VAV3: variants seen among roughly 807,000 people sequenced by gnomAD.
VAV3 encodes vav guanine nucleotide exchange factor 3, also known as guanine nucleotide exchange factor VAV3.
In VAV3, 94 loss-of-function variants were observed where a neutral mutation model predicts 131.2. That is an observed-to-expected ratio of 0.72 (90% CI 0.61 to 0.85). VAV3 has a LOEUF of 0.85. Among genes scored for constraint, VAV3 ranks in the 40% least tolerant of loss-of-function variants. The probability of loss-of-function intolerance (pLI) is 0.00; values close to 1 mark genes in which losing one functional copy is unlikely to be tolerated. For synonymous variants in VAV3, 349 were observed against 342.0 expected (o/e 1.02, Z -0.22); for missense variants, 939 against 1,002.7 (o/e 0.94, Z 0.86).
At chr1:107,733,974 C>T (rs541400432) in intron 15 of VAV3, among the ~76,000 whole-genome samples, 11 of 152,166 alleles carry the variant, frequency 7.2e-5, no homozygotes, top group Non-Finnish European at 1.5e-4. Context: ...GGTCAGGTTA[C>T]CCACAAAGGA....
intron 9 of VAV3, among the ~76,000 whole-genome samples, chr1:107,761,682 A>T (rs1345327850): frequency 5.9e-5 from 9 of 152,172 alleles, no homozygotes; most frequent in Non-Finnish European, 1.2e-4. Flanking sequence ...GCCTTTCGTA[A>T]CAATTACAAT....
intron 2 of VAV3, among the ~76,000 whole-genome samples, chr1:107,853,166 G>A (rs1168177382): frequency 2.0e-5 from 3 of 152,110 alleles, no homozygotes; most frequent in African/African-American, 7.2e-5. Flanking sequence ...ATTGATCTAG[G>A]AGAGCAGCAG....
intron 1 of VAV3, among the ~76,000 whole-genome samples, chr1:107,935,558 C>G (rs1414173774): frequency 6.6e-6 from 1 of 152,116 alleles, no homozygotes; most frequent in Non-Finnish European, 1.5e-5. Flanking sequence ...TAAGTTTCCC[C>G]ATCAGAATGA....
At chr1:107,802,479 G>C (rs901536687) in intron 2 of VAV3, among the ~76,000 whole-genome samples, 1 of 151,944 alleles carries the variant, frequency 6.6e-6, no homozygotes, top group Non-Finnish European at 1.5e-5. Flanking sequence ...CTATGGGTTT[G>C]TCATATATGG....
At chr1:107,717,696 GAGA>G (rs1328294705) in intron 15 of VAV3, among the ~76,000 whole-genome samples, 1 of 152,222 alleles carries the variant, frequency 6.6e-6, no homozygotes, top group African/African-American at 2.4e-5. Context: ...ATGTGGTGCT[GAGA>G]AGAAGATATA....
chr1:107,837,118 G>A (rs1113982), intron 2 of VAV3, among the ~76,000 whole-genome samples: 22,201 of 151,598 alleles, frequency 0.15, 2,186 homozygotes, highest in East Asian at 0.42. Flanking sequence ...AAAACAAAAC[G>A]AAACAAAACT....
chr1:107,804,058 TCCC>T (rs1285228206), intron 2 of VAV3, among the ~76,000 whole-genome samples: 1 of 152,062 alleles, frequency 6.6e-6, no homozygotes, highest in Non-Finnish European at 1.5e-5. Flanking sequence ...GTATAATTAT[TCCC>T]CCCATTTTTT....
At chr1:107,780,211 A>G (rs1369796127) in intron 2 of VAV3, among the ~76,000 whole-genome samples, 3 of 152,214 alleles carry the variant, frequency 2.0e-5, no homozygotes, top group African/African-American at 7.2e-5. Flanking sequence ...CAATCATTAC[A>G]TTATCGTGAG....
intron 1 of VAV3, among the ~76,000 whole-genome samples, chr1:107,964,041 C>T (rs1444872292): frequency 6.6e-6 from 1 of 152,208 alleles, no homozygotes; most frequent in East Asian, 1.9e-4. Flanking sequence ...AGAGGCTGGA[C>T]TCGCTCCTTC....
At chr1:107,886,413 G>A (rs972268530) in intron 1 of VAV3, among the ~76,000 whole-genome samples, 1 of 152,196 alleles carries the variant, frequency 6.6e-6, no homozygotes, top group South Asian at 2.1e-4. Flanking sequence ...TCGGGGAGGG[G>A]TTCTACAGCA....
At chr1:107,575,616 G>A (rs985371686) in intron 25 of VAV3, among the ~76,000 whole-genome samples, 30 of 152,036 alleles carry the variant, frequency 2.0e-4, no homozygotes, top group Non-Finnish European at 3.5e-4. Context: ...TGTTAGAGTC[G>A]GTGCACATAA....
At chr1:107,727,051 G>A (rs771705263) in intron 15 of VAV3, among the ~76,000 whole-genome samples, 1 of 152,174 alleles carries the variant, frequency 6.6e-6, no homozygotes, top group Non-Finnish European at 1.5e-5. Flanking sequence ...AAATAAAAGA[G>A]GATTTGATTA....
chr1:107,648,383 A>G (rs1425203508), intron 19 of VAV3, among the ~76,000 whole-genome samples: 1 of 152,050 alleles, frequency 6.6e-6, no homozygotes, highest in Non-Finnish European at 1.5e-5. Context: ...TTTATAGGCT[A>G]CCAAATATAA....
chr1:107,943,488 C>G (rs1674097351), intron 1 of VAV3, among the ~76,000 whole-genome samples: 1 of 152,202 alleles, frequency 6.6e-6, no homozygotes, highest in South Asian at 2.1e-4. Flanking sequence ...CTTAAAACTT[C>G]CCAGCACTTT....
At chr1:107,714,133 G>A (rs545539598) in intron 15 of VAV3, among the ~76,000 whole-genome samples, 1 of 152,196 alleles carries the variant, frequency 6.6e-6, no homozygotes, top group Non-Finnish European at 1.5e-5. Flanking sequence ...AAGGAGACCT[G>A]AAGCTGTCTG....
At chr1:107,755,741 C>A (rs1664067043) in intron 11 of VAV3, among the ~76,000 whole-genome samples, 1 of 152,138 alleles carries the variant, frequency 6.6e-6, no homozygotes, top group Non-Finnish European at 1.5e-5. Flanking sequence ...TGTCACACCA[C>A]TGAGAAGAGT....
At chr1:107,585,862 C>T (rs1650444738) in intron 25 of VAV3, among the ~76,000 whole-genome samples, 1 of 152,190 alleles carries the variant, frequency 6.6e-6, no homozygotes, top group African/African-American at 2.4e-5. Context: ...GTTTCAGCAT[C>T]CTGCTCTATG....
At chr1:107,573,603 T>C (rs1249954119) in intron 26 of VAV3, among the ~76,000 whole-genome samples, 1 of 152,182 alleles carries the variant, frequency 6.6e-6, no homozygotes, top group Non-Finnish European at 1.5e-5. Flanking sequence ...AATAAATATG[T>C]AAATTAAGTA....
chr1:107,600,368 A>C (rs999021182), intron 24 of VAV3, among the ~76,000 whole-genome samples: 1 of 152,110 alleles, frequency 6.6e-6, no homozygotes, highest in Non-Finnish European at 1.5e-5. Context: ...TTTCATAATT[A>C]CATCCTTTGC....
Sources: allele counts gnomAD v4.1 joint callset (sites outside exome capture counted in the v4.1 genomes callset), GRCh38; gene constraint gnomAD v4.1.1; transcripts MANE v1.5; gene names NCBI Gene and HGNC (gene_info 2026-07-23, HGNC 2026-07-21).